The following TCF12 variants were observed in gnomAD, a reference collection of about 807,000 sequenced individuals.
TCF12 encodes transcription factor 12.
TCF12 carries 45 observed loss-of-function variants against 86.0 expected under a neutral mutation model. The observed-to-expected ratio is 0.52, with a 90% CI of 0.41 to 0.67. TCF12 has a LOEUF of 0.67. TCF12 is among the 30% of genes least tolerant of loss of function. The pLI is 0.00. For synonymous variants in TCF12, 330 were observed against 299.6 expected (o/e 1.10, Z -1.05); for missense variants, 881 against 859.9 (o/e 1.02, Z -0.31).
intron 8 of TCF12, among the ~76,000 whole-genome samples, chr15:57,201,619 A>C (rs2057546400): frequency 6.6e-6 from 1 of 152,164 alleles, no homozygotes; most frequent in Non-Finnish European, 1.5e-5. Context: ...TACAGATATG[A>C]GAAGAGATAA....
intron 8 of TCF12, among the ~76,000 whole-genome samples, chr15:57,204,762 T>C (rs2057728647): frequency 1.1e-5 from 1 of 89,640 alleles, no homozygotes; most frequent in Non-Finnish European, 2.2e-5. Flanking sequence ...AACTGAAGAT[T>C]TTTTTTTTTA....
intron 3 of TCF12, among the ~76,000 whole-genome samples, chr15:56,954,795 G>A (rs925739300): frequency 6.6e-6 from 1 of 152,182 alleles, no homozygotes; most frequent in African/African-American, 2.4e-5. Flanking sequence ...AGATATCTGT[G>A]CAGCTAACAG....
chr15:57,027,085 G>A (rs1238807459), intron 3 of TCF12, among the ~76,000 whole-genome samples: 1 of 152,008 alleles, frequency 6.6e-6, no homozygotes, highest in Non-Finnish European at 1.5e-5. Context: ...GATACCTAGG[G>A]CTGACTGTAT....
chr15:56,962,842 C>A lies in TCF12; in HGVS notation c.148+41744C>A, dbSNP rs1414716988. 3.9e-5 allele frequency among the ~76,000 whole-genome samples: 6 copies of A among 152,094 alleles called. No individual in the cohort carries two copies. The East Asian group carries it at 1.2e-3, about 29-fold the overall frequency. On this transcript the variant is annotated intron_variant, in intron 3 of 20. Coordinates refer to ENST00000333725, the MANE Select transcript of TCF12 (RefSeq NM_207037.2). ...TCAAGAATTCAGTTCGGTGAGAACA[C>A]CTAATGAAGTGGAAATTAGTGTGTT...
At chr15:57,091,695 TA>T in intron 4 of TCF12, 93 bp from the exon 5 acceptor site, 1 of 782,938 alleles carries the variant, frequency 1.3e-6, no homozygotes, top group Non-Finnish European at 2.1e-6. Flanking sequence ...TGACCATGTG[TA>T]AGTCTGTATA....
Position 57,000,048 on chromosome 15 carries a change from G to T in TCF12, c.149-63702G>T, listed in dbSNP as rs138439390. ...TGCTAAACTTTCTCATTTTTCTCTTGTTCATAACTAGGAGTATTCATTCAC... is the reference window on the plus strand; with the variant it reads ...TGCTAAACTTTCTCATTTTTCTCTTTTTCATAACTAGGAGTATTCATTCAC... On this transcript the variant is annotated intron_variant, in intron 3 of 20. Coordinates refer to ENST00000333725, the MANE Select transcript of TCF12 (RefSeq NM_207037.2). Among the ~76,000 whole-genome samples the T allele has an allele frequency of 8.6e-5, 13 of 151,522 alleles. No homozygotes were observed. In the East Asian group the frequency reaches 2.6e-3, roughly 30 times the overall value.
chr15:57,082,144 C>T (rs1241592003), intron 4 of TCF12, among the ~76,000 whole-genome samples: 2 of 152,186 alleles, frequency 1.3e-5, no homozygotes, highest in Admixed American at 6.5e-5. Context: ...ATAAGTGGCT[C>T]ATGGTCAACT....
intron 6 of TCF12, among the ~76,000 whole-genome samples, chr15:57,179,070 A>G (rs1353005519): frequency 6.6e-6 from 1 of 152,178 alleles, no homozygotes; most frequent in African/African-American, 2.4e-5. Flanking sequence ...AAAAATTAAG[A>G]TGGTAAAATT....
chr15:57,246,435 T>A (rs1184170139), intron 13 of TCF12, among the ~76,000 whole-genome samples: 3 of 152,180 alleles, frequency 2.0e-5, no homozygotes, highest in Admixed American at 2.0e-4. Flanking sequence ...GGATTTATTA[T>A]CTTGTGTTGT....
intron 3 of TCF12, among the ~76,000 whole-genome samples, chr15:57,031,695 G>T (rs1422468425): frequency 2.0e-5 from 3 of 152,280 alleles, no homozygotes; most frequent in African/African-American, 7.2e-5. Flanking sequence ...ATCCATTTCA[G>T]TACAGCCAGA....
chr15:57,042,643 G>A (rs973333163), intron 3 of TCF12, among the ~76,000 whole-genome samples: 8 of 152,038 alleles, frequency 5.3e-5, no homozygotes, highest in African/African-American at 1.9e-4. Flanking sequence ...CGAAGTCTTG[G>A]CTTCAAGTGA....
At chr15:56,971,845 A>G (rs1232236608) in intron 3 of TCF12, among the ~76,000 whole-genome samples, 3 of 152,222 alleles carry the variant, frequency 2.0e-5, no homozygotes, top group Non-Finnish European at 4.4e-5. Context: ...AAATGTCCAA[A>G]CTAGGCAAAT....
intron 5 of TCF12, among the ~76,000 whole-genome samples, chr15:57,102,105 T>G (rs1380186008): frequency 6.7e-6 from 1 of 149,226 alleles, no homozygotes; most frequent in Admixed American, 6.8e-5. Context: ...TCATGGCTTA[T>G]CAACTAAGCC....
intron 6 of TCF12, among the ~76,000 whole-genome samples, chr15:57,180,806 A>ATTTTTTTTTTTTTT (rs34557385): frequency 1.1e-4 from 9 of 82,128 alleles, no homozygotes; most frequent in East Asian, 3.7e-4. Flanking sequence ...GATGCTAATA[A>ATTTTTTTTTTTTTT]TTTTTTTTTT....
intron 3 of TCF12, among the ~76,000 whole-genome samples, chr15:56,972,927 A>G (rs2062410994): frequency 6.6e-6 from 1 of 152,190 alleles, no homozygotes; most frequent in Non-Finnish European, 1.5e-5. Flanking sequence ...GTAACTTTAA[A>G]AAATATTGAA....
intron 11 of TCF12, 126 bp from the exon 12 acceptor site, chr15:57,233,917 G>A: frequency 1.4e-6 from 1 of 717,282 alleles, no homozygotes; most frequent in Non-Finnish European, 2.5e-6. Context: ...CACATGTAGA[G>A]TATTTCCTAG....
chr15:57,179,913 A>C (rs1567576960), intron 6 of TCF12, among the ~76,000 whole-genome samples: 1 of 152,180 alleles, frequency 6.6e-6, no homozygotes, highest in Non-Finnish European at 1.5e-5. Context: ...AGAGAGGATC[A>C]TAATTAATGT....
At chr15:57,143,626 A>G (rs2053151770) in intron 5 of TCF12, among the ~76,000 whole-genome samples, 1 of 152,148 alleles carries the variant, frequency 6.6e-6, no homozygotes, top group South Asian at 2.1e-4. Context: ...GGCCCTGTAC[A>G]TTTGTGTGGC....
intron 8 of TCF12, among the ~76,000 whole-genome samples, chr15:57,204,642 C>G (rs1481268998): frequency 6.6e-6 from 1 of 151,902 alleles, no homozygotes; most frequent in African/African-American, 2.4e-5. Context: ...GAGGTATTCC[C>G]AAACCATAAA....
Sources: gnomAD v4.1 joint callset for allele counts (sites outside exome capture counted in the v4.1 genomes callset) on GRCh38, gnomAD v4.1.1 for gene constraint, MANE v1.5 for transcripts, NCBI Gene and HGNC (gene_info 2026-07-23, HGNC 2026-07-21) for gene names.